TSC2: variants seen among roughly 807,000 people sequenced by gnomAD.
The protein encoded by TSC2 is TSC complex subunit 2.
A neutral mutation model predicts 202.2 loss-of-function variants in TSC2; 29 were observed. The ratio of observed to expected loss-of-function variants is 0.14; its 90% CI spans 0.11 to 0.20. The LOEUF is 0.20. Among genes scored for constraint, TSC2 ranks in the 10% least tolerant of loss-of-function variants. TSC2 has a pLI of 1.00. For synonymous variants in TSC2, 1,349 were observed against 1,044.0 expected (o/e 1.29, Z -5.63); for missense variants, 2,429 against 2,420.0 (o/e 1.00, Z -0.08).
chr16:2,083,224 C>T, intron 32 of TSC2: 1 of 460,040 alleles, frequency 2.2e-6, no homozygotes. Flanking sequence ...CCTTAGCGTC[C>T]CCAGCTGTGG....
chr16:2,050,334 TG>T, intron 2 of TSC2, 65 bp from the exon 3 acceptor site: 3 of 1,441,866 alleles, frequency 2.1e-6, no homozygotes, highest in Non-Finnish European at 2.9e-6. Context: ...AGGTGGTTTG[TG>T]ACTTGCAGTT....
intron 10 of TSC2, among the ~76,000 whole-genome samples, chr16:2,059,154 G>C (rs2086294041): frequency 6.6e-6 from 1 of 151,860 alleles, no homozygotes; most frequent in Non-Finnish European, 1.5e-5. Context: ...GAGTAGCTGG[G>C]ATTACAGGTG....
chr16:2,085,619 G>A (rs2090676868), intron 36 of TSC2, among the ~76,000 whole-genome samples: 1 of 152,198 alleles, frequency 6.6e-6, no homozygotes, highest in African/African-American at 2.4e-5. Context: ...ACAGCTGAGT[G>A]GTGAGGGAGC....
rs2085478252 is a variant in TSC2 at position 2,054,137 on chromosome 16, A to G, written c.337-159A>G. The G allele has an allele frequency of 5.9e-6, 7 of 1,181,744 alleles. No individual in the cohort carries two copies. In the Admixed American group the frequency reaches 1.1e-4, roughly 19 times the overall value. The allele number at this position is 1,181,744 out of a possible 1,614,324, so 73.2% of individuals were successfully genotyped here. ...CGGTGCATCCGGCCCCCTGCCCTGT[A>G]CAATGCTGATGCTGCAGACCTGTCT... On this transcript the variant is annotated intron_variant, in intron 4 of 41. Coordinates refer to ENST00000219476, the MANE Select transcript of TSC2 (RefSeq NM_000548.5).
intron 17 of TSC2, 64 bp downstream of exon 17, chr16:2,070,642 G>T (rs888232744): frequency 6.2e-7 from 1 of 1,609,690 alleles, no homozygotes; most frequent in East Asian, 2.2e-5. Flanking sequence ...CGTCTCGGCA[G>T]GTGTGGTTCC....
rs2090649084 is a variant in TSC2, at chr16:2,085,400, C to T, written c.4662+78C>T. On this transcript the variant is annotated intron_variant, in intron 36 of 41. Transcript: ENST00000219476. ...CCTGCAGTGGGTAGGGAGTCTGGGC[C>T]CCCAACGCCCCACAGAGCTCAACAC... The T allele has an allele frequency of 6.2e-6, 9 of 1,453,758 alleles. No individual in the cohort carries two copies. In the Admixed American group the frequency reaches 1.2e-4, roughly 19 times the overall value. The allele number at this position is 1,453,758 out of a possible 1,614,324, so 90.1% of individuals were successfully genotyped here.
Position 2,083,171 on chromosome 16 carries a change from C to T in TSC2, c.3884-524C>T, listed in dbSNP as rs759631488. 639 of 457,272 alleles carry T rather than the reference C, an allele frequency of 1.4e-3. 1 individual carries two copies. Among genetic ancestry groups the T allele is most frequent in the Non-Finnish European group, 2.4e-3 (536 of 227,756 alleles). The allele number at this position is 457,272 out of a possible 1,614,324, so 28.3% of individuals were successfully genotyped here. ...TCTACTTCCTCTCCCCCTGTCCTGA[C>T]GCTGGCACAGGAAATGCTGCTTTGG... On this transcript the variant is annotated intron_variant, in intron 32 of 41. Transcript: ENST00000219476.
chr16:2,060,605 TGGGA>T, intron 10 of TSC2, 61 bp from the exon 11 acceptor site: 4 of 1,612,050 alleles, frequency 2.5e-6, no homozygotes, highest in Non-Finnish European at 3.4e-6. Flanking sequence ...CAAGGGTGAC[TGGGA>T]GGGCGTCCCA....
Position 2,088,218 on chromosome 16 carries a change from C to T in TSC2, c.5161-9C>T, listed in dbSNP as rs45515893. On this transcript the variant is annotated splice_polypyrimidine_tract_variant and intron_variant, in intron 40 of 41. Coordinates refer to ENST00000219476, the MANE Select transcript of TSC2 (RefSeq NM_000548.5). Reference sequence around the variant, plus strand: ...TGATAGTGAGCTCACCCCCTGCCTACGTCCCCAGATGGCCTCACAGGTGCA... The same window carrying T: ...TGATAGTGAGCTCACCCCCTGCCTATGTCCCCAGATGGCCTCACAGGTGCA... The T allele has an allele frequency of 1.4e-3, 2,282 of 1,613,134 alleles. 50 individuals are homozygous for T. In the East Asian group the frequency reaches 0.047, roughly 33 times the overall value.
intron 32 of TSC2, chr16:2,083,357 C>T: frequency 2.1e-6 from 1 of 480,020 alleles, no homozygotes. Flanking sequence ...GTTTCAGGCT[C>T]CCGCTCTTTT....
intron 34 of TSC2, 79 bp downstream of exon 34, chr16:2,084,794 G>T (rs1054242021): frequency 2.6e-5 from 42 of 1,598,372 alleles, no homozygotes; most frequent in Non-Finnish European, 3.3e-5. Flanking sequence ...CAGGCCGAGC[G>T]GGCTGGGGTG....
chr16:2,054,636 C>G, intron 5 of TSC2, 196 bp downstream of exon 5: 3 of 743,480 alleles, frequency 4.0e-6, no homozygotes, highest in Non-Finnish European at 6.8e-6. Context: ...ATGCAGAGTC[C>G]TGGCCTTCAC....
chr16:2,072,748 C>T (rs191384867), intron 20 of TSC2, 101 bp from the exon 21 acceptor site: 1 of 1,593,690 alleles, frequency 6.3e-7, no homozygotes, highest in Non-Finnish European at 8.5e-7. Context: ...GCCCCTTTGC[C>T]CCCTTTCCTG....
chr16:2,070,826 C>T lies in TSC2; in HGVS notation c.1839+248C>T, dbSNP rs142694430. Among the ~76,000 whole-genome samples the T allele has an allele frequency of 5.3e-3, 812 of 152,300 alleles. 6 individuals are homozygous for T. Among genetic ancestry groups the T allele is most frequent in the African/African-American group, 0.015 (632 of 41,556 alleles). ...ACATGGGTTGGGGCAGAGAAAAGGA[C>T]GCACGGCGACTTCCGGGGCAGTGCA... is the stretch of plus-strand genomic sequence containing the variant. On this transcript the variant is annotated intron_variant, in intron 17 of 41. Transcript: ENST00000219476.
At chr16:2,074,052 C>T in intron 21 of TSC2, 148 bp from the exon 22 acceptor site, 1 of 1,001,918 alleles carries the variant, frequency 1.0e-6, no homozygotes, top group Non-Finnish European at 1.5e-6. Flanking sequence ...GCTCGGGTAG[C>T]TCAGCACTGC....
chr16:2,053,298 C>T (rs1179166691), intron 3 of TSC2, 44 bp from the exon 4 acceptor site: 1 of 1,543,720 alleles, frequency 6.5e-7, no homozygotes, highest in Admixed American at 2.0e-5. Flanking sequence ...GGCCAGGGTT[C>T]TTGGAGAGCA....
intron 36 of TSC2, 34 bp from the exon 37 acceptor site, chr16:2,086,159 G>T: frequency 6.2e-7 from 1 of 1,611,708 alleles, no homozygotes; most frequent in Non-Finnish European, 8.5e-7. Flanking sequence ...CGGCCCGGGA[G>T]TGATGCCACC....
At chr16:2,064,038 G>A (rs1219506162) in intron 14 of TSC2, 11 of 619,236 alleles carry the variant, frequency 1.8e-5, no homozygotes, top group East Asian at 5.7e-5. Flanking sequence ...GTCTGTGCCC[G>A]GCCGCCCTGC....
intron 34 of TSC2, 95 bp downstream of exon 34, chr16:2,084,810 C>G: frequency 1.3e-6 from 2 of 1,598,450 alleles, no homozygotes; most frequent in Non-Finnish European, 1.7e-6. Context: ...GGGTGGGGTC[C>G]TCGCCTGTGC....
Sources: gnomAD v4.1 joint callset for allele counts (sites outside exome capture counted in the v4.1 genomes callset) on GRCh38, gnomAD v4.1.1 for gene constraint, MANE v1.5 for transcripts, NCBI Gene and HGNC (gene_info 2026-07-23, HGNC 2026-07-21) for gene names.